LYST: variants seen among roughly 807,000 people sequenced by gnomAD.
LYST encodes the protein lysosomal trafficking regulator, also known as lysosomal-trafficking regulator.
A neutral mutation model predicts 413.6 loss-of-function variants in LYST; 192 were observed. The ratio of observed to expected loss-of-function variants is 0.46; its 90% CI spans 0.41 to 0.52. The LOEUF (loss-of-function observed/expected upper bound fraction) is 0.52. LYST is among the 20% of genes least tolerant of loss of function. The pLI is 0.00. For synonymous variants in LYST, 1,525 were observed against 1,567.3 expected, an observed-to-expected ratio of 0.97 and a Z score of 0.64; for missense variants, 3,815 against 4,499.9, an observed-to-expected ratio of 0.85 and a Z score of 4.35.
chr1:235,704,448 C>T (rs1480046103), intron 44 of LYST, among the ~76,000 whole-genome samples: 1 of 152,152 alleles, frequency 6.6e-6, no homozygotes, highest in East Asian at 1.9e-4. Flanking sequence ...AATAACCATT[C>T]TGACTGGTGG....
At chr1:235,691,697 CTCTT>C (rs1349258126) in intron 47 of LYST, among the ~76,000 whole-genome samples, 3 of 138,210 alleles carry the variant, frequency 2.2e-5, no homozygotes, top group Non-Finnish European at 4.6e-5. Context: ...ATCAGATTCT[CTCTT>C]TTTTTTTTTT....
At chr1:235,789,104 T>C (rs144646479) in intron 12 of LYST, among the ~76,000 whole-genome samples, 185 of 152,218 alleles carry the variant, frequency 1.2e-3, no homozygotes, top group African/African-American at 4.3e-3. Flanking sequence ...CTGAGGACAA[T>C]TGTGGGCGTA....
intron 7 of LYST, among the ~76,000 whole-genome samples, chr1:235,803,305 T>G (rs957860987): frequency 6.6e-5 from 10 of 152,142 alleles, no homozygotes; most frequent in Admixed American, 4.6e-4. Flanking sequence ...CATTTCAGTT[T>G]AATAAATAAA....
At chr1:235,747,251 AG>A in intron 28 of LYST, 1 of 453,426 alleles carries the variant, frequency 2.2e-6, no homozygotes, top group Non-Finnish European at 4.4e-6. Flanking sequence ...CCGAAGGAGA[AG>A]GGCATCGGAA....
intron 45 of LYST, among the ~76,000 whole-genome samples, chr1:235,698,786 T>A (rs1269622097): frequency 6.6e-6 from 1 of 151,950 alleles, no homozygotes; most frequent in Non-Finnish European, 1.5e-5. Context: ...GGCAGGAGAA[T>A]GGCATGAACC....
intron 40 of LYST, among the ~76,000 whole-genome samples, chr1:235,718,180 T>C (rs1223569363): frequency 7.1e-6 from 1 of 140,066 alleles, no homozygotes; most frequent in East Asian, 2.0e-4. Flanking sequence ...TTTTTATAGA[T>C]AGTATAAATA....
chr1:235,776,689 GT>G (rs1280485847), intron 17 of LYST, among the ~76,000 whole-genome samples: 5,648 of 143,894 alleles, frequency 0.039, 338 homozygotes, highest in African/African-American at 0.13. Flanking sequence ...ACAAATTAAA[GT>G]TTTTTTTTTT....
In LYST at chr1:235,809,128, C is replaced by A. The variant is rs1241284431; in HGVS notation, c.1690G>T (p.Ala564Ser). 1 of 1,614,100 alleles carries A rather than the reference C, an allele frequency of 6.2e-7. No homozygotes were observed. Among genetic ancestry groups the A allele is most frequent in the Non-Finnish European group, 8.5e-7 (1 of 1,179,986 alleles). ...TGGACACAAGTGCTGCTCAAGGAAGCCTGCTGTAGTAAGCGCAAGCACTGA... is the reference window on the plus strand; with the variant it reads ...TGGACACAAGTGCTGCTCAAGGAAGACTGCTGTAGTAAGCGCAAGCACTGA... Reference protein sequence around the residue: ...AHQCLRLLQQASLSSTCVQIL... With the variant: ...AHQCLRLLQQSSLSSTCVQIL... Residue 564 changes from alanine to serine, a missense_variant, in exon 5 of 53, where the codon GCT (alanine) becomes TCT (serine). By Grantham distance (99) the Ala-to-Ser change is moderately conservative (BLOSUM62 1). Around this residue, in one of 4 missense-constraint regions of LYST, gnomAD observed 1,648 missense variants for 1,810.3 expected, o/e 0.91. Transcript: ENST00000389793. The surrounding 1 kb of genome is among the most constrained non-coding windows in gnomAD (Gnocchi z 4.0).
intron 52 of LYST, 46 bp downstream of exon 52, chr1:235,663,938 A>G: frequency 6.9e-7 from 1 of 1,448,840 alleles, no homozygotes; most frequent in Non-Finnish European, 9.7e-7. Context: ...CGAAAAATAC[A>G]ATCACAAATT....
At chr1:235,711,995 G>A (rs2103125706) in intron 43 of LYST, 62 bp downstream of exon 43, 1 of 1,365,226 alleles carries the variant, frequency 7.3e-7, no homozygotes, top group South Asian at 1.5e-5. Flanking sequence ...TTCATTTTTG[G>A]AAAATTACAA....
At chr1:235,875,521 C>T (rs1036128132) in intron 1 of LYST, among the ~76,000 whole-genome samples, 2 of 152,144 alleles carry the variant, frequency 1.3e-5, no homozygotes, top group Non-Finnish European at 2.9e-5. Flanking sequence ...GGACCAGACA[C>T]CAAAGGATAA....
chr1:235,702,664 C>T, intron 45 of LYST, 83 bp downstream of exon 45: 5 of 1,129,890 alleles, frequency 4.4e-6, no homozygotes, highest in South Asian at 1.2e-5. Context: ...CAGGACCATG[C>T]TATTCATCAC....
chr1:235,868,013 C>G (rs1680728587), upstream of LYST, among the ~76,000 whole-genome samples: 2 of 152,138 alleles, frequency 1.3e-5, no homozygotes, highest in Admixed American at 1.3e-4. Context: ...AAGCAAAGTG[C>G]GTTAAGTTGC....
chr1:235,676,340 C>T (rs556822096), intron 50 of LYST, among the ~76,000 whole-genome samples: 31 of 152,136 alleles, frequency 2.0e-4, no homozygotes, highest in South Asian at 8.3e-4. Context: ...TGCACTAGGC[C>T]CTAACATACC....
chr1:235,816,357 T>C (rs1393789214), intron 3 of LYST, among the ~76,000 whole-genome samples: 1 of 149,492 alleles, frequency 6.7e-6, no homozygotes, highest in Non-Finnish European at 1.5e-5. Context: ...GGAGAATCAC[T>C]TGAACCTGAG....
intron 20 of LYST, among the ~76,000 whole-genome samples, chr1:235,766,867 T>C (rs1052486445): frequency 3.9e-5 from 6 of 152,106 alleles, no homozygotes; most frequent in African/African-American, 1.2e-4. Context: ...CAGAAAACTT[T>C]TGATGGACAA....
chr1:235,713,602 T>C (rs1662585102), intron 42 of LYST, among the ~76,000 whole-genome samples: 1 of 152,148 alleles, frequency 6.6e-6, no homozygotes, highest in South Asian at 2.1e-4. Flanking sequence ...TTCTCACAAC[T>C]GGGGGGATGG....
At chr1:235,737,922 G>GGTGGTGA in intron 31 of LYST, 1 of 1,174,422 alleles carries the variant, frequency 8.5e-7, no homozygotes, top group Non-Finnish European at 1.1e-6. Flanking sequence ...GACGAGTCTG[G>GGTGGTGA]ATCTCACTGC....
At chr1:235,797,263 A>G (rs776028235) in intron 10 of LYST, among the ~76,000 whole-genome samples, 16 of 152,218 alleles carry the variant, frequency 1.1e-4, no homozygotes, top group Non-Finnish European at 2.4e-4. Flanking sequence ...TATCCACACA[A>G]TGGAATGTTA....
Sources: gnomAD v4.1 joint callset for allele counts (sites outside exome capture counted in the v4.1 genomes callset) on GRCh38, gnomAD v4.1.1 for gene constraint, gnomAD v4.1.1 regional missense constraint, Gnocchi (gnomAD v3.1) non-coding constraint, MANE v1.5 for transcripts, NCBI Gene and HGNC (gene_info 2026-07-23, HGNC 2026-07-21) for gene names.